Variants in RAD51B observed in about 807,000 individuals in gnomAD.
RAD51B encodes the protein RAD51 paralog B, also known as DNA repair protein RAD51 homolog 2.
In RAD51B, 38 loss-of-function variants were observed where a neutral mutation model predicts 42.2. The observed-to-expected ratio is 0.90, with a 90% CI of 0.70 to 1.18. The LOEUF (loss-of-function observed/expected upper bound fraction) is 1.18. Among genes scored for constraint, RAD51B ranks in the 50% most tolerant of loss-of-function variants. The probability of loss-of-function intolerance (pLI) is 0.00; values close to 1 mark genes in which losing one functional copy is unlikely to be tolerated. For missense variants in RAD51B, 373 were observed against 400.7 expected (o/e 0.93, Z 0.59); for synonymous variants, 154 against 145.2 (o/e 1.06, Z -0.43).
chr14:68,552,149 G>A (rs946774281), intron 10 of RAD51B, among the ~76,000 whole-genome samples: 28 of 152,206 alleles, frequency 1.8e-4, no homozygotes, highest in African/African-American at 6.0e-4. Flanking sequence ...GGATTTAAGC[G>A]TAGTGATGCT....
intron 7 of RAD51B, among the ~76,000 whole-genome samples, chr14:68,213,544 A>G (rs1411472577): frequency 1.3e-5 from 2 of 152,256 alleles, no homozygotes; most frequent in East Asian, 3.8e-4. Flanking sequence ...TTAGGTTGAT[A>G]GCAAGTAATA....
chr14:68,343,325 G>A (rs1042572341), intron 8 of RAD51B, among the ~76,000 whole-genome samples: 4 of 152,010 alleles, frequency 2.6e-5, no homozygotes, highest in African/African-American at 9.7e-5. Context: ...TTTTCCTTGC[G>A]GTACAGGGGC....
chr14:67,990,461 G>A (rs1046231695), intron 7 of RAD51B, among the ~76,000 whole-genome samples: 4 of 152,066 alleles, frequency 2.6e-5, no homozygotes, highest in African/African-American at 7.2e-5. Context: ...CATACAACCC[G>A]TTCCTTACTT....
intron 4 of RAD51B, chr14:67,843,333 T>C (rs1352935523): frequency 7.1e-6 from 1 of 141,512 alleles, no homozygotes; most frequent in Admixed American, 7.0e-5. Flanking sequence ...ATTGTGTCTC[T>C]GCCAGATTTT....
At chr14:68,670,996 G>A (rs1002918257) in intron 11 of RAD51B, among the ~76,000 whole-genome samples, 1 of 152,176 alleles carries the variant, frequency 6.6e-6, no homozygotes, top group Non-Finnish European at 1.5e-5. Flanking sequence ...CCTGATGCCA[G>A]CCAGCTCCTG....
intron 7 of RAD51B, among the ~76,000 whole-genome samples, chr14:67,935,308 A>G (rs987941505): frequency 1.3e-5 from 2 of 152,234 alleles, no homozygotes; most frequent in Non-Finnish European, 2.9e-5. Flanking sequence ...TAACCAGAAG[A>G]TATACCAGTT....
At chr14:67,910,388 A>AC (rs1204717279) in intron 7 of RAD51B, among the ~76,000 whole-genome samples, 1 of 71,080 alleles carries the variant, frequency 1.4e-5, no homozygotes, top group Non-Finnish European at 2.4e-5. Flanking sequence ...CCTGGGCGAC[A>AC]GAGCGAGACT....
intron 7 of RAD51B, among the ~76,000 whole-genome samples, chr14:68,150,885 A>G (rs1366458003): frequency 1.3e-5 from 2 of 152,178 alleles, no homozygotes; most frequent in East Asian, 3.8e-4. Context: ...CATTTTACTT[A>G]CACATAAATA....
intron 7 of RAD51B, among the ~76,000 whole-genome samples, chr14:67,900,598 TTGTGTGTG>T (rs142144274): frequency 0.016 from 2,340 of 142,250 alleles, 73 homozygotes; most frequent in African/African-American, 0.056. Context: ...TTCTTTCAGT[TTGTGTGTG>T]TGTGTGTGTG....
chr14:68,407,541 T>C (rs1031573630), intron 8 of RAD51B, among the ~76,000 whole-genome samples: 4 of 152,210 alleles, frequency 2.6e-5, no homozygotes, highest in Admixed American at 1.3e-4. Flanking sequence ...GGGGCCACTG[T>C]CATATTTGCA....
At chr14:67,953,293 A>G (rs1239064163) in intron 7 of RAD51B, among the ~76,000 whole-genome samples, 1 of 152,118 alleles carries the variant, frequency 6.6e-6, no homozygotes, top group African/African-American at 2.4e-5. Flanking sequence ...GACAAAGAAA[A>G]CAGCATGGGC....
intron 7 of RAD51B, among the ~76,000 whole-genome samples, chr14:67,919,293 A>G (rs189981074): frequency 1.3e-5 from 2 of 152,300 alleles, no homozygotes; most frequent in East Asian, 1.9e-4. Flanking sequence ...TGCCTCCCCA[A>G]AATGTGAAGG....
downstream of RAD51B, among the ~76,000 whole-genome samples, chr14:68,600,344 C>A (rs1891167322): frequency 6.6e-6 from 1 of 152,248 alleles, no homozygotes; most frequent in African/African-American, 2.4e-5. Flanking sequence ...TAATTAAACT[C>A]TGGCATTGGG....
Position 67,885,911 on chromosome 14 carries a change from C to T in RAD51B, c.495C>T (p.Asn165=). 6.2e-7 allele frequency: 1 copy of T among 1,609,450 alleles called. No homozygotes were observed. Among genetic ancestry groups the T allele is most frequent in the Non-Finnish European group, 8.5e-7 (1 of 1,176,742 alleles). Residue 165 remains asparagine, a synonymous_variant, in exon 6 of 11, where the codon AAC becomes AAT. Coordinates refer to ENST00000471583, the MANE Select transcript of RAD51B (RefSeq NM_133510.4). ...IAESRFPRYF[N]TEEKLLLTSS... is the part of the protein sequence containing the mutation. ...AATCCCGTTTTCCCAGATATTTTAACACTGAAGAAAAGTTACTTTTGACAA... is the reference window on the plus strand; with the variant it reads ...AATCCCGTTTTCCCAGATATTTTAATACTGAAGAAAAGTTACTTTTGACAA...
chr14:67,897,943 T>C (rs1026881889), intron 7 of RAD51B, among the ~76,000 whole-genome samples: 3 of 152,178 alleles, frequency 2.0e-5, no homozygotes, highest in African/African-American at 7.2e-5. Flanking sequence ...TGAGCCACCA[T>C]GCCTGGTCCC....
intron 7 of RAD51B, among the ~76,000 whole-genome samples, chr14:68,251,226 G>A (rs1326088715): frequency 6.6e-6 from 1 of 152,038 alleles, no homozygotes; most frequent in African/African-American, 2.4e-5. Context: ...TTTGCTTATG[G>A]ACTTAACATC....
rs199719166 is a variant in RAD51B at position 68,559,384 on chromosome 14, AT to A, written c.1037-35087del. The stretch of plus-strand genomic sequence containing the variant: ...TGTGATTAATACACATCCCAGGGGC[AT>A]TTTTTTTTTTTTTGAGATGGAGTCT... On this transcript the variant is annotated intron_variant, in intron 10 of 10. Transcript: ENST00000487270. Among the ~76,000 whole-genome samples, 451 of 142,220 alleles carry A rather than the reference AT, an allele frequency of 3.2e-3. 2 individuals are homozygous for A. Among genetic ancestry groups the A allele is most frequent in the East Asian group, 0.011 (56 of 4,952 alleles). 93.3% of individuals were successfully genotyped at this position (142,220 alleles called of 152,430 possible).
At chr14:68,047,183 G>A (rs1178765149) in intron 7 of RAD51B, among the ~76,000 whole-genome samples, 2 of 152,102 alleles carry the variant, frequency 1.3e-5, no homozygotes, top group African/African-American at 4.8e-5. Context: ...TTTAACACCA[G>A]AAAGCAAAAG....
At chr14:68,093,294 C>A (rs2077135058) in intron 7 of RAD51B, among the ~76,000 whole-genome samples, 1 of 152,130 alleles carries the variant, frequency 6.6e-6, no homozygotes, top group African/African-American at 2.4e-5. Context: ...CCTCCTTGTA[C>A]CTCTGGTAGA....
Sources: allele counts gnomAD v4.1 joint callset (sites outside exome capture counted in the v4.1 genomes callset), GRCh38; gene constraint gnomAD v4.1.1; transcripts MANE v1.5; gene names NCBI Gene and HGNC (gene_info 2026-07-23, HGNC 2026-07-21).